Variants in RFX6 observed in about 807,000 individuals in gnomAD.
RFX6 encodes the protein regulatory factor X6, also known as DNA-binding protein RFX6.
RFX6 carries 50 observed loss-of-function variants against 110.8 expected under a neutral mutation model. That is an observed-to-expected ratio of 0.45 (90% CI 0.36 to 0.57). The LOEUF (loss-of-function observed/expected upper bound fraction) is 0.57. RFX6 is among the 20% of genes least tolerant of loss of function. The probability of loss-of-function intolerance (pLI) is 0.00; values close to 1 mark genes in which losing one functional copy is unlikely to be tolerated. For missense variants in RFX6, 990 were observed against 1,127.0 expected (o/e 0.88, Z 1.74); for synonymous variants, 383 against 411.2 (o/e 0.93, Z 0.83).
chr6:116,925,766 A>AGGAT (rs1775711253), intron 16 of RFX6, 107 bp downstream of exon 16: 3 of 764,750 alleles, frequency 3.9e-6, no homozygotes, highest in Non-Finnish European at 6.8e-6. Context: ...ACAATAAAAA[A>AGGAT]GGATGATCTT....
intron 10 of RFX6, 25 bp downstream of exon 10, chr6:116,918,111 G>A (rs758437646): frequency 6.6e-7 from 1 of 1,525,612 alleles, no homozygotes. Context: ...TAAAACATGA[G>A]CATTCCTAGT....
chr6:116,882,281 T>G lies in RFX6; in HGVS notation c.505-86T>G. The G allele has an allele frequency of 5.4e-6, 5 of 931,462 alleles. No individual in the cohort carries two copies. The Admixed American group carries it at 8.7e-5, about 16-fold the overall frequency. The allele number at this position is 931,462 out of a possible 1,614,324, so 57.7% of individuals were successfully genotyped here. On this transcript the variant is annotated intron_variant, in intron 3 of 18. Transcript: ENST00000332958. ...TCACAGTTCATTCAGAGTTCAACAT[T>G]TACTTTCCCCAAGTAATTGGCTATG...
At chr6:116,883,771 T>TAAAAAA (rs1774643243) in intron 4 of RFX6, among the ~76,000 whole-genome samples, 1 of 152,174 alleles carries the variant, frequency 6.6e-6, no homozygotes, top group African/African-American at 2.4e-5. Flanking sequence ...TCCTACTTTT[T>TAAAAAA]GAATTCTTTT....
intron 6 of RFX6, among the ~76,000 whole-genome samples, chr6:116,907,465 T>C (rs1775231692): frequency 6.6e-6 from 1 of 152,128 alleles, no homozygotes; most frequent in Admixed American, 6.5e-5. Flanking sequence ...TTGGTAGAAT[T>C]CACTGCTGAA....
chr6:116,903,044 G>C (rs1775109276), intron 6 of RFX6, among the ~76,000 whole-genome samples: 2 of 151,968 alleles, frequency 1.3e-5, no homozygotes, highest in South Asian at 4.1e-4. Context: ...AACAAACCCA[G>C]ACCTCTGTAG....
intron 1 of RFX6, 34 bp downstream of exon 1, chr6:116,877,532 G>C: frequency 6.7e-7 from 1 of 1,482,354 alleles, no homozygotes; most frequent in South Asian, 1.3e-5. Context: ...GCTGGGAAGG[G>C]GACGGGGACG....
In RFX6 at chr6:116,877,854, C is replaced by T. The variant is rs1299533369; in HGVS notation, c.282C>T (p.Asp94=). The change falls in exon 2 of 19, where the codon GAC becomes GAT. Residue 94 remains aspartate, a synonymous_variant. Coordinates refer to ENST00000332958, the MANE Select transcript of RFX6 (RefSeq NM_173560.4). Reference sequence around the variant, plus strand: ...AAGAAGAGGACGCCGACAACCACGACAGCAAAACCAAAGCAGCGGATCAAT... The same window carrying T: ...AAGAAGAGGACGCCGACAACCACGATAGCAAAACCAAAGCAGCGGATCAAT... ...SSEEEDADNH[D]SKTKAADQYL... 2.5e-6 allele frequency: 4 copies of T among 1,614,002 alleles called. No individual in the cohort carries two copies. The highest frequency in any genetic ancestry group is 3.4e-6 in the Non-Finnish European group (4 of 1,180,006).
At chr6:116,929,516 A>G (rs1276492372) in intron 18 of RFX6, among the ~76,000 whole-genome samples, 1 of 152,150 alleles carries the variant, frequency 6.6e-6, no homozygotes, top group Non-Finnish European at 1.5e-5. Flanking sequence ...GCTCTCTAAC[A>G]TATCATGTAA....
At chr6:116,892,970 T>G (rs1175556886) in intron 4 of RFX6, among the ~76,000 whole-genome samples, 1 of 152,124 alleles carries the variant, frequency 6.6e-6, no homozygotes, top group Non-Finnish European at 1.5e-5. Flanking sequence ...AGGATTCAGA[T>G]GGTGGCTCCT....
Position 116,880,574 on chromosome 6 carries a change from A to G in RFX6, c.411A>G (p.Gly137=). The G allele has an allele frequency of 6.2e-7, 1 of 1,613,060 alleles. No individual in the cohort carries two copies. Among genetic ancestry groups the G allele is most frequent in the Non-Finnish European group, 8.5e-7 (1 of 1,179,252 alleles). The change falls in exon 3 of 19, where the codon GGA becomes GGG. Residue 137 remains glycine (G), a synonymous_variant. Coordinates refer to ENST00000332958, the MANE Select transcript of RFX6 (RefSeq NM_173560.4). ...WLEENYIVCE[G]VCLPRCILYA... ...AAGAGAATTACATTGTATGTGAAGG[A>G]GTTTGCTTACCACGGTGCATTCTTT...
At chr6:116,893,322 A>G (rs1466166345) in intron 4 of RFX6, among the ~76,000 whole-genome samples, 2 of 152,192 alleles carry the variant, frequency 1.3e-5, no homozygotes, top group Admixed American at 6.5e-5. Context: ...AGAATAAGCC[A>G]TAATTTGAGA....
At chr6:116,919,318 G>C (rs745950500) in intron 11 of RFX6, 22 bp downstream of exon 11, 1 of 1,603,004 alleles carries the variant, frequency 6.2e-7, no homozygotes, top group Non-Finnish European at 8.5e-7. Context: ...GCTAAGTCGA[G>C]AGCATTTGAG....
At position 116,877,488 on chromosome 6, in the gene RFX6, A is replaced by T. The variant is rs777356249; in HGVS notation, c.213A>T (p.Ala71=). Residue 71 remains alanine (A), a synonymous_variant, in exon 1 of 19, where the codon GCA becomes GCT. Coordinates refer to ENST00000332958, the MANE Select transcript of RFX6 (RefSeq NM_173560.4). ...EKGEDPELPG[A]VKSEMHLNNG... Reference sequence around the variant, plus strand: ...GCGAAGACCCGGAGCTGCCGGGGGCAGTGAAATCAGGTGAGTGCTCTGCCG... The same window carrying T: ...GCGAAGACCCGGAGCTGCCGGGGGCTGTGAAATCAGGTGAGTGCTCTGCCG... 1.1e-5 allele frequency: 17 copies of T among 1,557,372 alleles called. No individual in the cohort carries two copies. Among genetic ancestry groups the T allele is most frequent in the Non-Finnish European group, 1.5e-5 (17 of 1,150,136 alleles).
rs1775614426 is a variant in RFX6, at chr6:116,922,177, A to C, written c.1437+26A>C. The stretch of plus-strand genomic sequence containing the variant: ...GTACTTTTTAATGACAGATTCAGAA[A>C]ATAAGTTCCTTGTAAAGAGTAAATG... On this transcript the variant is annotated intron_variant, in intron 13 of 18. Coordinates refer to ENST00000332958, the MANE Select transcript of RFX6 (RefSeq NM_173560.4). 3.8e-6 allele frequency: 4 copies of C among 1,058,226 alleles called. No individual in the cohort carries two copies. In the South Asian group the frequency reaches 5.0e-5, roughly 13 times the overall value. The allele number at this position is 1,058,226 out of a possible 1,614,324, so 65.6% of individuals were successfully genotyped here.
chr6:116,901,422 G>A (rs1775072457), intron 6 of RFX6, among the ~76,000 whole-genome samples: 1 of 152,180 alleles, frequency 6.6e-6, no homozygotes, highest in Admixed American at 6.5e-5. Context: ...GAAAGATACA[G>A]AACATTTCCA....
At chr6:116,907,544 T>C (rs1012895713) in intron 6 of RFX6, among the ~76,000 whole-genome samples, 1 of 152,134 alleles carries the variant, frequency 6.6e-6, no homozygotes, top group African/African-American at 2.4e-5. Flanking sequence ...TCCAGTTTTC[T>C]GCTATTATTT....
At chr6:116,925,327 C>T in intron 15 of RFX6, 126 bp from the exon 16 acceptor site, 2 of 877,846 alleles carry the variant, frequency 2.3e-6, no homozygotes, top group Non-Finnish European at 1.9e-6. Flanking sequence ...CCATGGGAAA[C>T]ATTGCTTAGT....
rs1166593842 is a variant in RFX6 at position 116,919,119 on chromosome 6, A to T, written c.1023-18A>T. 6.2e-7 allele frequency: 1 copy of T among 1,608,830 alleles called. No individual in the cohort carries two copies. Among genetic ancestry groups the T allele is most frequent in the Non-Finnish European group, 8.5e-7 (1 of 1,175,440 alleles). ...ATTTTTTAACAATGAAGCATTTAAC[A>T]CATAGCCTTCTTTGTAGCTTATTAG... On this transcript the variant is annotated intron_variant, in intron 10 of 18. Coordinates refer to ENST00000332958, the MANE Select transcript of RFX6 (RefSeq NM_173560.4).
intron 12 of RFX6, among the ~76,000 whole-genome samples, chr6:116,921,502 C>T (rs928418499): frequency 6.6e-6 from 1 of 152,090 alleles, no homozygotes; most frequent in African/African-American, 2.4e-5. Flanking sequence ...TATGTGAATA[C>T]ACATATAAGA....
Sources: allele counts gnomAD v4.1 joint callset (sites outside exome capture counted in the v4.1 genomes callset), GRCh38; gene constraint gnomAD v4.1.1; transcripts MANE v1.5; gene names NCBI Gene and HGNC (gene_info 2026-07-23, HGNC 2026-07-21).